Variants in CSMD3 observed in about 807,000 individuals in gnomAD.
CSMD3 encodes CUB and Sushi multiple domains 3, also known as CUB and sushi domain-containing protein 3.
In CSMD3, 177 loss-of-function variants were observed where a neutral mutation model predicts 435.2. The ratio of observed to expected loss-of-function variants is 0.41; its 90% CI spans 0.36 to 0.46. The LOEUF (loss-of-function observed/expected upper bound fraction) is 0.46, where lower values mean the gene tolerates loss of function less well. CSMD3 is among the 20% of genes least tolerant of loss of function. CSMD3 has a pLI of 0.34. For missense variants in CSMD3, 4,265 were observed against 4,504.6 expected, an observed-to-expected ratio of 0.95 and a Z score of 1.52; for synonymous variants, 1,656 against 1,520.5, an observed-to-expected ratio of 1.09 and a Z score of -2.07.
intron 32 of CSMD3, among the ~76,000 whole-genome samples, chr8:112,437,530 A>T (rs563193573): frequency 6.6e-6 from 1 of 152,204 alleles, no homozygotes; most frequent in South Asian, 2.1e-4. Flanking sequence ...AAGCATGGGA[A>T]TTCCATGTGA....
intron 1 of CSMD3, among the ~76,000 whole-genome samples, chr8:113,318,288 T>C (rs2093924803): frequency 6.6e-6 from 1 of 152,204 alleles, no homozygotes. Context: ...ATTTTGTTTT[T>C]CATTTTTGCT....
rs2083540794 is a variant in CSMD3, at chr8:112,944,376, T to C, written c.1508+3414A>G. Among the ~76,000 whole-genome samples, 3 of 151,596 alleles carry C rather than the reference T, an allele frequency of 2.0e-5. No homozygotes were observed. In the South Asian group the frequency reaches 6.2e-4, roughly 31 times the overall value. On this transcript the variant is annotated intron_variant, in intron 9 of 70. Coordinates refer to ENST00000297405, the MANE Select transcript of CSMD3 (RefSeq NM_198123.2). The stretch of plus-strand genomic sequence containing the variant: ...ATCCCATTTATTTTCTCCTACAAAA[T>C]TATGTTTCTTTACCTCTACCCTCTC...
intron 23 of CSMD3, among the ~76,000 whole-genome samples, chr8:112,584,067 A>G (rs751522004): frequency 1.3e-5 from 2 of 151,884 alleles, no homozygotes; most frequent in African/African-American, 2.4e-5. Flanking sequence ...TCAATCTGGT[A>G]TAAAGTTAAT....
intron 2 of CSMD3, among the ~76,000 whole-genome samples, chr8:113,301,416 T>G (rs988780582): frequency 6.6e-6 from 1 of 152,094 alleles, no homozygotes; most frequent in African/African-American, 2.4e-5. Flanking sequence ...ATGAACTGTT[T>G]TATATATTTT....
chr8:113,320,703 T>C (rs566326214), intron 1 of CSMD3, among the ~76,000 whole-genome samples: 1 of 152,240 alleles, frequency 6.6e-6, no homozygotes, highest in Non-Finnish European at 1.5e-5. Context: ...AATCTTTTCT[T>C]ATTGTTTCCA....
At chr8:112,632,968 T>C (rs1463566084) in intron 22 of CSMD3, among the ~76,000 whole-genome samples, 1 of 151,996 alleles carries the variant, frequency 6.6e-6, no homozygotes, top group African/African-American at 2.4e-5. Context: ...TATCATTTTT[T>C]CTGTTTTTAA....
At chr8:113,232,427 A>G (rs2132194931) in intron 3 of CSMD3, among the ~76,000 whole-genome samples, 1 of 151,768 alleles carries the variant, frequency 6.6e-6, no homozygotes, top group Admixed American at 6.6e-5. Flanking sequence ...GCACGAAAAT[A>G]CATTTGGGAT....
intron 6 of CSMD3, among the ~76,000 whole-genome samples, chr8:112,991,345 G>A (rs1174721280): frequency 6.6e-6 from 1 of 151,618 alleles, no homozygotes; most frequent in Non-Finnish European, 1.5e-5. Flanking sequence ...GGAAGGATTT[G>A]GTGGGACATC....
At chr8:112,962,119 T>C (rs955602221) in intron 7 of CSMD3, among the ~76,000 whole-genome samples, 2 of 151,910 alleles carry the variant, frequency 1.3e-5, no homozygotes, top group African/African-American at 4.8e-5. Context: ...GGTTGTACAG[T>C]TAATATTAAT....
intron 3 of CSMD3, among the ~76,000 whole-genome samples, chr8:113,262,935 T>C (rs2093438804): frequency 6.6e-6 from 1 of 152,058 alleles, no homozygotes; most frequent in African/African-American, 2.4e-5. Flanking sequence ...ACTTCTGTTG[T>C]ATTAATCCTC....
At chr8:112,947,408 A>G (rs2083648876) in intron 9 of CSMD3, among the ~76,000 whole-genome samples, 1 of 151,758 alleles carries the variant, frequency 6.6e-6, no homozygotes, top group Non-Finnish European at 1.5e-5. Context: ...ACTCACCATT[A>G]TATGTGGTAA....
At chr8:113,431,004 C>G (rs1399969013) in intron 1 of CSMD3, among the ~76,000 whole-genome samples, 5 of 152,084 alleles carry the variant, frequency 3.3e-5, no homozygotes, top group Non-Finnish European at 5.9e-5. Context: ...CTGTGAATAC[C>G]AGCAGGTCTT....
chr8:112,259,025 C>A (rs576765906), intron 61 of CSMD3, among the ~76,000 whole-genome samples: 1 of 151,502 alleles, frequency 6.6e-6, no homozygotes, highest in Non-Finnish European at 1.5e-5. Context: ...GGCTACAGAG[C>A]GAGAATCTAT....
chr8:113,195,829 ACACACACACACCCC>A (rs1325611919), intron 3 of CSMD3, among the ~76,000 whole-genome samples: 179 of 147,084 alleles, frequency 1.2e-3, no homozygotes, highest in African/African-American at 4.4e-3. Flanking sequence ...ACACACACAC[ACACACACACACCCC>A]CACACACACA....
intron 38 of CSMD3, among the ~76,000 whole-genome samples, chr8:112,373,934 T>A (rs1159885390): frequency 2.6e-5 from 4 of 152,160 alleles, no homozygotes; most frequent in Non-Finnish European, 5.9e-5. Flanking sequence ...CTGCTCTATG[T>A]AGCACTTGAT....
chr8:112,366,777 A>C (rs964938339), intron 38 of CSMD3, among the ~76,000 whole-genome samples: 1 of 152,042 alleles, frequency 6.6e-6, no homozygotes, highest in Non-Finnish European at 1.5e-5. Flanking sequence ...TTTACAGGGC[A>C]CTCATTTTTC....
chr8:113,155,317 A>G (rs1005732270), intron 4 of CSMD3, among the ~76,000 whole-genome samples: 1 of 152,060 alleles, frequency 6.6e-6, no homozygotes, highest in African/African-American at 2.4e-5. Flanking sequence ...GGCAACTGCA[A>G]CAAGAGTCCA....
At chr8:112,472,767 G>T (rs1818656489) in intron 31 of CSMD3, 60 bp from the exon 32 acceptor site, 3 of 873,760 alleles carry the variant, frequency 3.4e-6, no homozygotes, top group African/African-American at 1.7e-5. Context: ...TTCATACCAT[G>T]GTTATCTTCT....
chr8:112,768,307 G>A (rs905917301), intron 13 of CSMD3, among the ~76,000 whole-genome samples: 11 of 151,860 alleles, frequency 7.2e-5, no homozygotes, highest in East Asian at 3.9e-4. Context: ...GTGAGAGTTC[G>A]TAAAAACTAA....
Sources: allele counts gnomAD v4.1 joint callset (sites outside exome capture counted in the v4.1 genomes callset), GRCh38; gene constraint gnomAD v4.1.1; transcripts MANE v1.5; gene names NCBI Gene and HGNC (gene_info 2026-07-23, HGNC 2026-07-21).